The following KLK11 variants were observed in gnomAD, a reference collection of about 807,000 sequenced individuals.
KLK11 encodes the protein kallikrein-11.
KLK11 carries 10 observed loss-of-function variants against 23.4 expected under a neutral mutation model. That is an observed-to-expected ratio of 0.43 (90% CI 0.26 to 0.73). The LOEUF is 0.73. Among genes scored for constraint, KLK11 ranks in the 30% least tolerant of loss-of-function variants. The probability of loss-of-function intolerance (pLI) is 0.22; values close to 1 mark genes in which losing one functional copy is unlikely to be tolerated. For synonymous variants in KLK11, 131 were observed against 131.7 expected (o/e 0.99, Z 0.03); for missense variants, 285 against 327.8 (o/e 0.87, Z 1.01).
Position 51,022,439 on chromosome 19 carries a change from A to G in KLK11, c.*106T>C. Reference sequence around the variant, plus strand: ...CTCCTGTAGTCCAGGAGGCCCAAAGAATGTTCGTAGAGGGTCTTGGCTTAG... The same window carrying G: ...CTCCTGTAGTCCAGGAGGCCCAAAGGATGTTCGTAGAGGGTCTTGGCTTAG... On this transcript the variant is annotated 3_prime_UTR_variant, in exon 6 of 6. Transcript: ENST00000453757. 7.2e-7 allele frequency: 1 copy of G among 1,380,906 alleles called. No individual in the cohort carries two copies. Among genetic ancestry groups the G allele is most frequent in the Non-Finnish European group, 1.0e-6 (1 of 974,734 alleles). 85.5% of individuals were successfully genotyped at this position (1,380,906 alleles called of 1,614,324 possible). A position where few individuals can be genotyped will look rare whatever the true frequency, so the allele number is the denominator to read the frequency against.
At position 51,022,542 on chromosome 19, in the gene KLK11, A is replaced by G; in HGVS notation, c.*3T>C. ...GTGATGGGCTGTGGTGGGTGGGTCC[A>G]GTCTAATTGTTCTTCATCGTCTCCT... is the stretch of plus-strand genomic sequence containing the variant. On this transcript the variant is annotated 3_prime_UTR_variant, in exon 6 of 6. Coordinates refer to ENST00000453757, the MANE Select transcript of KLK11 (RefSeq NM_001136032.3). 1.9e-6 allele frequency: 3 copies of G among 1,614,126 alleles called. No homozygotes were observed. The highest frequency in any genetic ancestry group is 2.5e-6 in the Non-Finnish European group (3 of 1,180,036).
chr19:51,027,353 G>C, upstream of KLK11: 1 of 1,178,508 alleles, frequency 8.5e-7, no homozygotes, highest in Non-Finnish European at 1.3e-6. Context: ...GCCCTTGGCT[G>C]TGCTCCACCC....
chr19:51,025,705 G>T lies in KLK11; in HGVS notation c.-35-39C>A. On this transcript the variant is annotated intron_variant, in intron 1 of 5. Transcript: ENST00000453757. The surrounding 1 kb of genome is among the most constrained non-coding windows in gnomAD (Gnocchi z 6.2). Reference sequence around the variant, plus strand: ...GGGACATGGGGCCGCATCACTTTACGGGGAAATCGGGAGGGGGGGGCTGGC... The same window carrying T: ...GGGACATGGGGCCGCATCACTTTACTGGGAAATCGGGAGGGGGGGGCTGGC... 1 of 972,530 alleles carries T rather than the reference G, an allele frequency of 1.0e-6. No homozygotes were observed. The highest frequency in any genetic ancestry group is 1.5e-6 in the Non-Finnish European group (1 of 653,344). 60.2% of individuals were successfully genotyped at this position (972,530 alleles called of 1,614,324 possible).
At position 51,025,960 on chromosome 19, in the gene KLK11, CCCTGTT is replaced by C. The variant is rs1392642245; in HGVS notation, c.-35-300_-35-295del. ...TTTGAGCTGTCAAGCCATGGTTCGG[CCCTGTT>C]CAAGTCAGCCATGGGACCTCCCCGG... On this transcript the variant is annotated intron_variant, in intron 1 of 5. Transcript: ENST00000453757. The surrounding 1 kb of genome is among the most constrained non-coding windows in gnomAD (Gnocchi z 6.2). The C allele has an allele frequency of 3.5e-6, 1 of 285,562 alleles. No homozygotes were observed. The highest frequency in any genetic ancestry group is 6.5e-6 in the Non-Finnish European group (1 of 153,708). 17.7% of individuals were successfully genotyped at this position (285,562 alleles called of 1,614,324 possible).
At chr19:51,023,683 C>T (rs2091435283) in intron 4 of KLK11, 1 of 220,864 alleles carries the variant, frequency 4.5e-6, no homozygotes, top group Non-Finnish European at 8.8e-6. Flanking sequence ...CGGTGCCCAG[C>T]CTGCTATCCA....
intron 1 of KLK11, among the ~76,000 whole-genome samples, chr19:51,026,261 G>A (rs372680117): frequency 1.0e-3 from 154 of 152,138 alleles, no homozygotes; most frequent in Middle Eastern, 3.4e-3. Context: ...AAAGCTGGGC[G>A]GGGCTGGTCG....
rs527972998 is a variant in KLK11 at position 51,023,149 on chromosome 19, G to A, written c.543C>T (p.Asn181=). 108 of 1,613,620 alleles carry A rather than the reference G, an allele frequency of 6.7e-5. 1 individual carries two copies. The South Asian group carries it at 1.1e-3, about 17-fold the overall frequency. ...TGGCACACACCATGGTGTCTGTGAT[G>A]TTGCCGGGGTAGGCGTTCTCACACT... ...HQKCENAYPG[N]ITDTMVCASV... Residue 181 remains asparagine, a synonymous_variant, in exon 5 of 6, where the codon AAC becomes AAT. Coordinates refer to ENST00000453757, the MANE Select transcript of KLK11 (RefSeq NM_001136032.3).
upstream of KLK11, chr19:51,026,635 C>T (rs2091491005): frequency 3.0e-6 from 3 of 986,376 alleles, no homozygotes; most frequent in Middle Eastern, 5.2e-4. Context: ...AGGTGCCAGG[C>T]ACCAGGCAGG....
At chr19:51,022,903 CTGGAAATGGTG>C (rs2091422541) in intron 5 of KLK11, among the ~76,000 whole-genome samples, 178 bp downstream of exon 5, 1 of 151,966 alleles carries the variant, frequency 6.6e-6, no homozygotes, top group African/African-American at 2.4e-5. Context: ...ATGGTTGGAG[CTGGAAATGGTG>C]TGGAAACGGG....
upstream of KLK11, chr19:51,026,771 C>G (rs2091493136): frequency 6.0e-6 from 1 of 167,254 alleles, no homozygotes. Context: ...TGGCTGCCTG[C>G]CTGTGCCACC....
Position 51,024,397 on chromosome 19 carries a change from A to C in KLK11, c.198-87T>G. On this transcript the variant is annotated intron_variant, in intron 3 of 5. Transcript: ENST00000453757. The surrounding 1 kb of genome is among the most constrained non-coding windows in gnomAD (Gnocchi z 6.2). ...TGAGTGACACCTTTGAGGATGAAGA[A>C]ACATCGCTCTGCTTCCAACCTCTTC... 1 of 1,556,148 alleles carries C rather than the reference A, an allele frequency of 6.4e-7. No homozygotes were observed. The highest frequency in any genetic ancestry group is 8.7e-7 in the Non-Finnish European group (1 of 1,150,350).
In KLK11 at chr19:51,022,447, T is replaced by G; in HGVS notation, c.*98A>C. ...GTCCAGGAGGCCCAAAGAATGTTCG[T>G]AGAGGGTCTTGGCTTAGGGTTTCTT... On this transcript the variant is annotated 3_prime_UTR_variant, in exon 6 of 6. Transcript: ENST00000453757. 2.1e-6 allele frequency: 3 copies of G among 1,437,638 alleles called. No homozygotes were observed. Among genetic ancestry groups the G allele is most frequent in the Non-Finnish European group, 2.9e-6 (3 of 1,023,450 alleles). The allele number at this position is 1,437,638 out of a possible 1,614,324, so 89.1% of individuals were successfully genotyped here. A position where few individuals can be genotyped will look rare whatever the true frequency, so the allele number is the denominator to read the frequency against.
chr19:51,024,584 C>T lies in KLK11; in HGVS notation c.197+54G>A, dbSNP rs1427335144. On this transcript the variant is annotated intron_variant, in intron 3 of 5. Transcript: ENST00000453757. This position sits in a 1 kb window ranked among gnomAD's most constrained non-coding sequence, Gnocchi z 6.2. ...CCCTATCCCTGAGCTTCTCTCCATC[C>T]ATCTCCCCATTCCCAGCCCCCCACC... 7 of 1,445,294 alleles carry T rather than the reference C, an allele frequency of 4.8e-6. No homozygotes were observed. The South Asian group carries it at 7.0e-5, about 15-fold the overall frequency. The allele number at this position is 1,445,294 out of a possible 1,614,324, so 89.5% of individuals were successfully genotyped here. A position where few individuals can be genotyped will look rare whatever the true frequency, so the allele number is the denominator to read the frequency against.
In KLK11 at chr19:51,024,797, G is replaced by T; in HGVS notation, c.41-3C>A. On this transcript the variant is annotated splice_region_variant and splice_polypyrimidine_tract_variant and intron_variant, in intron 2 of 5. Transcript: ENST00000453757. This position sits in a 1 kb window ranked among gnomAD's most constrained non-coding sequence, Gnocchi z 6.2. ...CCTGGTCTCTCCCCCTACAAGCCCTGGAGGGGGTGAGAGCAAAAGAAGGGG... is the reference window on the plus strand; with the variant it reads ...CCTGGTCTCTCCCCCTACAAGCCCTTGAGGGGGTGAGAGCAAAAGAAGGGG... 1 of 1,565,426 alleles carries T rather than the reference G, an allele frequency of 6.4e-7. No individual in the cohort carries two copies.
chr19:51,025,586 G>C lies in KLK11; in HGVS notation c.40+6C>G. 2 of 1,568,700 alleles carry C rather than the reference G, an allele frequency of 1.3e-6. No individual in the cohort carries two copies. The highest frequency in any genetic ancestry group is 1.7e-6 in the Non-Finnish European group (2 of 1,154,596). ...GGATCCTGCCCTGCCCCCATCCCCT[G>C]CGTACCTGTTGCCAGAGCAAGCAGG... On this transcript the variant is annotated splice_donor_region_variant and intron_variant, in intron 2 of 5. Transcript: ENST00000453757. This position sits in a 1 kb window ranked among gnomAD's most constrained non-coding sequence, Gnocchi z 6.2.
chr19:51,025,737 C>CCTCTCCT lies in KLK11; in HGVS notation c.-35-78_-35-72dup. On this transcript the variant is annotated intron_variant, in intron 1 of 5. Coordinates refer to ENST00000453757, the MANE Select transcript of KLK11 (RefSeq NM_001136032.3). This position sits in a 1 kb window ranked among gnomAD's most constrained non-coding sequence, Gnocchi z 6.2. ...TCGGGAGGGGGGGGCTGGCTCATGCCCTCTCCTCTCTCCCTCACCTGCTCC... is the reference window on the plus strand; with the variant it reads ...TCGGGAGGGGGGGGCTGGCTCATGCCCTCTCCTCTCTCCTCTCTCCCTCACCTGCTCC... 1.6e-6 allele frequency: 1 copy of CCTCTCCT among 628,190 alleles called. No homozygotes were observed. Among genetic ancestry groups the CCTCTCCT allele is most frequent in the East Asian group, 3.1e-5 (1 of 31,898 alleles). 38.9% of individuals were successfully genotyped at this position (628,190 alleles called of 1,614,324 possible). A position where few individuals can be genotyped will look rare whatever the true frequency, so the allele number is the denominator to read the frequency against.
rs202087807 is a variant in KLK11, at chr19:51,023,070, T to C, written c.600+22A>G. 3.8e-6 allele frequency: 6 copies of C among 1,589,470 alleles called. No homozygotes were observed. The African/African-American group carries it at 8.1e-5, about 21-fold the overall frequency. ...TTGAAGCTGGGGATGGGGATGGGGCTGTGGTTGGAGACCACACTGACCTGG... is the reference window on the plus strand; with the variant it reads ...TTGAAGCTGGGGATGGGGATGGGGCCGTGGTTGGAGACCACACTGACCTGG... On this transcript the variant is annotated intron_variant, in intron 5 of 5. Transcript: ENST00000453757.
At chr19:51,023,510 G>A (rs927500696) in intron 4 of KLK11, 34 of 313,550 alleles carry the variant, frequency 1.1e-4, no homozygotes, top group Middle Eastern at 1.0e-3. Flanking sequence ...TCAACCTCCC[G>A]AGTAGCTGGG....
rs2091460360 is a variant in KLK11, at chr19:51,024,918, C to T, written c.41-124G>A. On this transcript the variant is annotated intron_variant, in intron 2 of 5. Transcript: ENST00000453757. This position sits in a 1 kb window ranked among gnomAD's most constrained non-coding sequence, Gnocchi z 6.2. ...GTGGTCTGGGCCCTGGTCTGGTGTC[C>T]CTCTGGGTTGCCCTGGATGCTGGGG... The T allele has an allele frequency of 1.1e-6, 1 of 905,936 alleles. No homozygotes were observed. Among genetic ancestry groups the T allele is most frequent in the East Asian group, 3.1e-5 (1 of 32,008 alleles). The allele number at this position is 905,936 out of a possible 1,614,324, so 56.1% of individuals were successfully genotyped here.
Sources: gnomAD v4.1 joint callset for allele counts (sites outside exome capture counted in the v4.1 genomes callset) on GRCh38, gnomAD v4.1.1 for gene constraint, Gnocchi (gnomAD v3.1) non-coding constraint, MANE v1.5 for transcripts, NCBI Gene and HGNC (gene_info 2026-07-23, HGNC 2026-07-21) for gene names.